Variants in FRMD5 observed in about 807,000 individuals in gnomAD.
The protein encoded by FRMD5 is FERM domain containing 5.
FRMD5 carries 20 observed loss-of-function variants against 69.0 expected under a neutral mutation model. The ratio of observed to expected loss-of-function variants is 0.29; its 90% CI spans 0.20 to 0.42. The LOEUF (loss-of-function observed/expected upper bound fraction) is 0.42, where lower values mean the gene tolerates loss of function less well. Among genes scored for constraint, FRMD5 ranks in the 10% least tolerant of loss-of-function variants. FRMD5 has a pLI of 1.00. For missense variants in FRMD5, 595 were observed against 708.6 expected (o/e 0.84, Z 1.82); for synonymous variants, 271 against 260.1 (o/e 1.04, Z -0.40).
chr15:44,061,351 G>T (rs951460928), intron 1 of FRMD5, among the ~76,000 whole-genome samples: 7 of 152,156 alleles, frequency 4.6e-5, no homozygotes, highest in Non-Finnish European at 1.0e-4. Flanking sequence ...TTCAGTCTGG[G>T]CTTAAAGTAG....
chr15:44,043,616 C>T (rs1005066135), intron 1 of FRMD5, among the ~76,000 whole-genome samples: 4 of 152,056 alleles, frequency 2.6e-5, no homozygotes, highest in African/African-American at 9.7e-5. Flanking sequence ...TCAGAAATAA[C>T]ACCACATGTC....
At chr15:44,122,178 C>G (rs2615292) in intron 1 of FRMD5, among the ~76,000 whole-genome samples, 125,899 of 151,908 alleles carry the variant, frequency 0.83, 54,787 homozygotes, top group Non-Finnish European at 0.95. Flanking sequence ...CAAACGTAAG[C>G]TATTTACTTA....
At chr15:44,040,614 T>C (rs1321756929) in intron 1 of FRMD5, among the ~76,000 whole-genome samples, 2 of 151,930 alleles carry the variant, frequency 1.3e-5, no homozygotes, top group Admixed American at 1.3e-4. Context: ...CAAGCAAATG[T>C]TGAGAGATTT....
chr15:44,009,466 T>A (rs1319029390), intron 1 of FRMD5, among the ~76,000 whole-genome samples: 1 of 152,162 alleles, frequency 6.6e-6, no homozygotes, highest in Non-Finnish European at 1.5e-5. Context: ...GATTGCTTGA[T>A]CCCAGGAGTG....
rs1473392124 is a variant in FRMD5 at position 43,874,359 on chromosome 15, A to C, written c.1239T>G (p.Asn413Lys). The C allele has an allele frequency of 1.9e-6, 3 of 1,614,174 alleles. No individual in the cohort carries two copies. Among genetic ancestry groups the C allele is most frequent in the Non-Finnish European group, 1.7e-6 (2 of 1,180,040 alleles). ...PHVRSSRTDS[N>K]ERVAVIADEA... Reference sequence around the variant, plus strand: ...CGTCTGCAATCACAGCTACTCGCTCATTGCTATCTGTCCGGCTGCTTCTCA... The same window carrying C: ...CGTCTGCAATCACAGCTACTCGCTCCTTGCTATCTGTCCGGCTGCTTCTCA... The change falls in exon 14 of 14, where the codon AAT (asparagine) becomes AAG (lysine). Residue 413 changes from asparagine to lysine, a missense_variant. Coordinates refer to ENST00000417257, the MANE Select transcript of FRMD5 (RefSeq NM_032892.5).
intron 1 of FRMD5, among the ~76,000 whole-genome samples, chr15:44,093,910 GA>G (rs147529490): frequency 7.4e-5 from 11 of 148,100 alleles, no homozygotes; most frequent in Admixed American, 1.3e-4. Flanking sequence ...CAGCCCCACT[GA>G]AAAAAAAAAT....
intron 1 of FRMD5, among the ~76,000 whole-genome samples, chr15:44,098,247 C>T (rs888379723): frequency 2.0e-5 from 3 of 152,058 alleles, no homozygotes; most frequent in Non-Finnish European, 4.4e-5. Context: ...GGATACAAGG[C>T]CGGGTGCAGT....
chr15:43,889,014 C>G, intron 8 of FRMD5, 142 bp from the exon 9 acceptor site: 1 of 679,518 alleles, frequency 1.5e-6, no homozygotes, highest in South Asian at 1.8e-5. Context: ...TGAAACAAGA[C>G]AGCAGCGCAG....
intron 1 of FRMD5, among the ~76,000 whole-genome samples, chr15:44,160,370 A>T (rs949376151): frequency 1.3e-5 from 2 of 152,166 alleles, no homozygotes; most frequent in African/African-American, 4.8e-5. Flanking sequence ...ATAAATAAAT[A>T]AATAACTGGG....
At chr15:43,957,666 A>G (rs900324370) in intron 1 of FRMD5, among the ~76,000 whole-genome samples, 1 of 152,272 alleles carries the variant, frequency 6.6e-6, no homozygotes, top group Admixed American at 6.5e-5. Context: ...CTTTTAAGCC[A>G]TGCAGCCCCA....
chr15:44,079,011 A>C (rs1380326826), intron 1 of FRMD5, among the ~76,000 whole-genome samples: 2 of 152,170 alleles, frequency 1.3e-5, no homozygotes, highest in East Asian at 3.8e-4. Flanking sequence ...AATATTTGCA[A>C]ATCACATATC....
At chr15:44,025,701 A>T (rs993123839) in intron 1 of FRMD5, among the ~76,000 whole-genome samples, 1 of 152,180 alleles carries the variant, frequency 6.6e-6, no homozygotes, top group Non-Finnish European at 1.5e-5. Context: ...GAGTGTTAAG[A>T]AAATAGGGAG....
rs373951833 is a variant in FRMD5, at chr15:43,888,823, C to G, written c.778G>C (p.Val260Leu). Reference protein sequence around the residue: ...KFEGKTFYLYVSQKEEKKIIL... With the variant: ...KFEGKTFYLYLSQKEEKKIIL... Reference sequence around the variant, plus strand: ...CCAGCACTCACCTCTTTCTGACTTACGTATAAATAGAAAGTCTTTCCTTCA... The same window carrying G: ...CCAGCACTCACCTCTTTCTGACTTAGGTATAAATAGAAAGTCTTTCCTTCA... The change falls in exon 9 of 14, where the codon GTA becomes CTA. Residue 260 changes from valine to leucine, a missense_variant. Transcript: ENST00000417257. 36 of 1,613,698 alleles carry G rather than the reference C, an allele frequency of 2.2e-5. No individual in the cohort carries two copies. The African/African-American group carries it at 3.2e-4, about 14-fold the overall frequency.
intron 1 of FRMD5, among the ~76,000 whole-genome samples, chr15:44,056,735 G>T (rs1892883755): frequency 6.6e-6 from 1 of 152,116 alleles, no homozygotes; most frequent in Non-Finnish European, 1.5e-5. Flanking sequence ...CCTAGGCTAG[G>T]AAGGGCACTC....
intron 1 of FRMD5, among the ~76,000 whole-genome samples, chr15:44,048,703 G>A (rs1005810025): frequency 1.3e-5 from 2 of 152,070 alleles, no homozygotes; most frequent in Non-Finnish European, 2.9e-5. Flanking sequence ...CTCCCAAGCA[G>A]TTGGGACTAC....
At chr15:43,946,393 A>G (rs897450232) in intron 1 of FRMD5, among the ~76,000 whole-genome samples, 1 of 152,190 alleles carries the variant, frequency 6.6e-6, no homozygotes, top group African/African-American at 2.4e-5. Context: ...CTGGAAAGGG[A>G]TATCGTTCAG....
intron 4 of FRMD5, among the ~76,000 whole-genome samples, chr15:43,910,490 T>C (rs1369331246): frequency 6.8e-6 from 1 of 147,330 alleles, no homozygotes; most frequent in Admixed American, 6.9e-5. Flanking sequence ...AACCAGACCT[T>C]TGAAATGGAA....
Position 43,919,506 on chromosome 15 carries a change from C to T in FRMD5, c.282G>A (p.Val94=). 4.3e-6 allele frequency: 7 copies of T among 1,614,030 alleles called. No homozygotes were observed. The highest frequency in any genetic ancestry group is 5.9e-6 in the Non-Finnish European group (7 of 1,180,024). The change falls in exon 4 of 14, where the codon GTG becomes GTA. Residue 94 remains valine (V), a synonymous_variant. Coordinates refer to ENST00000417257, the MANE Select transcript of FRMD5 (RefSeq NM_032892.5). ...CAGCAGGGTCTGCAGGATAAAACTT[C>T]ACACGGAAGCACATGGTGAATGGAG... is the stretch of plus-strand genomic sequence containing the variant. The part of the protein sequence containing the change: ...SQPPFTMCFR[V]KFYPADPAAL...
chr15:44,016,600 G>A (rs1002896642), intron 1 of FRMD5, among the ~76,000 whole-genome samples: 2 of 152,048 alleles, frequency 1.3e-5, no homozygotes, highest in African/African-American at 4.8e-5. Flanking sequence ...GCATGCACAT[G>A]TAGTCCCAGC....
Sources: allele counts gnomAD v4.1 joint callset (sites outside exome capture counted in the v4.1 genomes callset), GRCh38; gene constraint gnomAD v4.1.1; transcripts MANE v1.5; gene names NCBI Gene and HGNC (gene_info 2026-07-23, HGNC 2026-07-21).